Variants in UNC13B observed in about 807,000 individuals in gnomAD.
The protein encoded by UNC13B is protein unc-13 homolog B.
A neutral mutation model predicts 211.0 loss-of-function variants in UNC13B; 144 were observed. The ratio of observed to expected loss-of-function variants is 0.68; its 90% confidence interval spans 0.60 to 0.78. UNC13B has a LOEUF of 0.78. Ranked by LOEUF, UNC13B falls within the 30% of genes least tolerant of loss-of-function variation. UNC13B has a pLI of 0.00. For synonymous variants in UNC13B, 709 were observed against 725.8 expected, an observed-to-expected ratio of 0.98 and a Z score of 0.37; for missense variants, 1,777 against 2,002.0, an observed-to-expected ratio of 0.89 and a Z score of 2.14.
chr9:35,310,506 G>T lies in UNC13B; in HGVS notation c.9048G>T (p.Val3016=), dbSNP rs781187228. The change falls in exon 10 of 40, where the codon GTG becomes GTT. Residue 3016 remains valine (V), a synonymous_variant. Transcript: ENST00000635942. ...GTAGGTATGGCTCCTCCTGTAATGT[G>T]AGTCAAGGAAGCTCTCAGCTAAGTG... ...SSSRYGSSCN[V]SQGSSQLSEL... is the part of the protein sequence containing the mutation. The T allele has an allele frequency of 2.5e-6, 4 of 1,613,948 alleles. No individual in the cohort carries two copies. Among genetic ancestry groups the T allele is most frequent in the Non-Finnish European group, 3.4e-6 (4 of 1,180,016 alleles).
intron 12 of UNC13B, among the ~76,000 whole-genome samples, chr9:35,369,899 A>T (rs1199700380): frequency 2.0e-5 from 3 of 152,124 alleles, no homozygotes; most frequent in Non-Finnish European, 4.4e-5. Flanking sequence ...CCGTAGAGCC[A>T]CCCTGTGGGT....
intron 18 of UNC13B, among the ~76,000 whole-genome samples, 166 bp from the exon 19 acceptor site, chr9:35,380,934 T>G (rs1380624033): frequency 1.3e-5 from 2 of 152,142 alleles, no homozygotes; most frequent in Non-Finnish European, 2.9e-5. Context: ...AGGGTACTTG[T>G]GGAATATGTG....
chr9:35,390,045 C>A, intron 25 of UNC13B, 72 bp downstream of exon 25: 1 of 1,592,560 alleles, frequency 6.3e-7, no homozygotes, highest in South Asian at 1.1e-5. Flanking sequence ...CTCTTTCTTT[C>A]CTGTCTCTGT....
intron 11 of UNC13B, among the ~76,000 whole-genome samples, chr9:35,316,505 A>ATGTGCGTGTGTGTG (rs1412701416): frequency 6.6e-6 from 1 of 151,806 alleles, no homozygotes; most frequent in Non-Finnish European, 1.5e-5. Flanking sequence ...TTGTATATAG[A>ATGTGCGTGTGTGTG]TGTGCGTGTG....
intron 11 of UNC13B, among the ~76,000 whole-genome samples, chr9:35,354,472 T>C (rs1832904252): frequency 1.3e-5 from 2 of 152,160 alleles, no homozygotes; most frequent in Admixed American, 1.3e-4. Context: ...AACGTTGCCC[T>C]CCACAGGTCT....
intron 21 of UNC13B, among the ~76,000 whole-genome samples, chr9:35,383,388 G>C (rs1834985524): frequency 6.6e-6 from 1 of 152,090 alleles, no homozygotes; most frequent in Admixed American, 6.5e-5. Flanking sequence ...TTACCATTTT[G>C]GGCATAAAGT....
intron 21 of UNC13B, among the ~76,000 whole-genome samples, chr9:35,383,895 C>A (rs2132271356): frequency 6.6e-6 from 1 of 152,174 alleles, no homozygotes; most frequent in Middle Eastern, 3.4e-3. Flanking sequence ...GGAGTTTCTT[C>A]TTATCTAACT....
At chr9:35,402,049 A>G (rs1836337562) in intron 37 of UNC13B, 1 of 1,537,976 alleles carries the variant, frequency 6.5e-7, no homozygotes, top group Non-Finnish European at 8.8e-7. Flanking sequence ...ACATGGGCTA[A>G]CACTGACCCC....
intron 11 of UNC13B, among the ~76,000 whole-genome samples, chr9:35,328,948 T>C (rs1043152565): frequency 4.6e-5 from 7 of 151,758 alleles, no homozygotes; most frequent in South Asian, 2.1e-4. Context: ...TTTTTTTGTA[T>C]TTTTAGTAGA....
rs778920315 is a variant in UNC13B, at chr9:35,304,564, G to C, written c.5160G>C (p.Gln1720His). ...ACCTTTCCAGTTTCCATTGGCTTCA[G>C]TCTTCTGTTGAAGAAGTTACCACTT... ...SVHLSSFHWL[Q>H]SSVEEVTTLV... The change falls in exon 9 of 40, where the codon CAG becomes CAC. Residue 1720 changes from glutamine to histidine, a missense_variant. By Grantham distance (24) the Gln-to-His change is conservative. Transcript: ENST00000635942. 1.5e-5 allele frequency: 6 copies of C among 398,616 alleles called. No individual in the cohort carries two copies. The highest frequency in any genetic ancestry group is 2.2e-5 in the Non-Finnish European group (5 of 225,922). 24.7% of individuals were successfully genotyped at this position (398,616 alleles called of 1,614,324 possible).
At chr9:35,281,652 T>C (rs1275609832) in intron 7 of UNC13B, among the ~76,000 whole-genome samples, 1 of 152,224 alleles carries the variant, frequency 6.6e-6, no homozygotes, top group Non-Finnish European at 1.5e-5. Flanking sequence ...CTTTGTATTG[T>C]ACATTCTATG....
intron 7 of UNC13B, among the ~76,000 whole-genome samples, chr9:35,292,435 T>C (rs1829146772): frequency 6.6e-6 from 1 of 152,210 alleles, no homozygotes; most frequent in Admixed American, 6.5e-5. Context: ...ACTGGGCCTT[T>C]CATCATGCCA....
At chr9:35,200,382 G>C (rs1314791515) in intron 1 of UNC13B, among the ~76,000 whole-genome samples, 1 of 152,274 alleles carries the variant, frequency 6.6e-6, no homozygotes, top group Non-Finnish European at 1.5e-5. Context: ...GAAAGTCATT[G>C]GTAGCTTGAT....
chr9:35,256,587 C>T (rs1242574289), intron 6 of UNC13B, among the ~76,000 whole-genome samples: 1 of 152,164 alleles, frequency 6.6e-6, no homozygotes, highest in East Asian at 1.9e-4. Context: ...TCTGTTTGAT[C>T]ACATAGTTTT....
At chr9:35,230,508 A>G (rs1825138170) in intron 2 of UNC13B, among the ~76,000 whole-genome samples, 1 of 150,434 alleles carries the variant, frequency 6.6e-6, no homozygotes, top group Non-Finnish European at 1.5e-5. Context: ...CTTTTTATGT[A>G]ACTTGTGCTT....
intron 11 of UNC13B, among the ~76,000 whole-genome samples, chr9:35,321,282 A>G (rs1223459398): frequency 1.3e-5 from 2 of 151,898 alleles, no homozygotes; most frequent in Non-Finnish European, 1.5e-5. Flanking sequence ...GTGCAGTGGT[A>G]CAAGCACAGC....
chr9:35,190,751 C>T (rs1396069488), intron 1 of UNC13B, among the ~76,000 whole-genome samples: 1 of 152,118 alleles, frequency 6.6e-6, no homozygotes, highest in Non-Finnish European at 1.5e-5. Flanking sequence ...AACATAATAG[C>T]CTTTTAAGTA....
rs549041965 is a variant in UNC13B, at chr9:35,259,805, G to T, written c.526+755G>T. 2.3e-3 allele frequency among the ~76,000 whole-genome samples: 271 copies of T among 119,920 alleles called. 2 individuals are homozygous for T. Among genetic ancestry groups the T allele is most frequent in the Non-Finnish European group, 3.1e-3 (176 of 56,300 alleles). The allele number at this position is 119,920 out of a possible 152,430, so 78.7% of individuals were successfully genotyped here. On this transcript the variant is annotated intron_variant, in intron 7 of 39. Transcript: ENST00000635942. ...TGTGTGTAGGGGGATGCGGGGGGGG[G>T]GGATTTTGATACTTTTGTGTTGCTC...
intron 6 of UNC13B, among the ~76,000 whole-genome samples, chr9:35,251,568 C>T (rs1217874411): frequency 6.6e-6 from 1 of 152,116 alleles, no homozygotes; most frequent in Non-Finnish European, 1.5e-5. Flanking sequence ...GGCTGAGTGA[C>T]AGAGCGAGAT....
Sources: gnomAD v4.1 joint callset for allele counts (sites outside exome capture counted in the v4.1 genomes callset) on GRCh38, gnomAD v4.1.1 for gene constraint, MANE v1.5 for transcripts, NCBI Gene and HGNC (gene_info 2026-07-23, HGNC 2026-07-21) for gene names.